Variants in PTPRG observed in about 807,000 individuals in gnomAD.
PTPRG encodes receptor-type tyrosine-protein phosphatase gamma.
A neutral mutation model predicts 165.3 loss-of-function variants in PTPRG; 102 were observed. The ratio of observed to expected loss-of-function variants is 0.62; its 90% confidence interval spans 0.53 to 0.73. PTPRG has a LOEUF of 0.73. PTPRG is among the 30% of genes least tolerant of loss of function. PTPRG has a pLI of 0.00. For synonymous variants in PTPRG, 675 were observed against 669.5 expected (o/e 1.01, Z -0.13); for missense variants, 1,866 against 1,861.4 (o/e 1.00, Z -0.05).
chr3:62,162,720 A>G (rs181100803), intron 7 of PTPRG, among the ~76,000 whole-genome samples: 1 of 152,238 alleles, frequency 6.6e-6, no homozygotes, highest in African/African-American at 2.4e-5. Context: ...TTGTTTCAGG[A>G]CTTATACTAT....
intron 2 of PTPRG, among the ~76,000 whole-genome samples, chr3:61,762,966 T>A (rs1460143668): frequency 2.0e-5 from 3 of 152,100 alleles, no homozygotes; most frequent in African/African-American, 7.2e-5. Flanking sequence ...AAATACTGAG[T>A]ACAAAGTTCA....
chr3:61,647,523 G>A (rs71296734), intron 1 of PTPRG, among the ~76,000 whole-genome samples: 12,913 of 152,206 alleles, frequency 0.085, 715 homozygotes, highest in East Asian at 0.21. Context: ...GGGCACAGTG[G>A]CTCACGCCTG....
At chr3:61,982,818 T>C (rs746948438) in intron 2 of PTPRG, among the ~76,000 whole-genome samples, 1 of 152,152 alleles carries the variant, frequency 6.6e-6, no homozygotes, top group African/African-American at 2.4e-5. Flanking sequence ...AGTCCTAAAA[T>C]AGACACCCTG....
At chr3:61,577,517 G>A (rs945925632) in intron 1 of PTPRG, among the ~76,000 whole-genome samples, 1 of 152,152 alleles carries the variant, frequency 6.6e-6, no homozygotes, top group Non-Finnish European at 1.5e-5. Flanking sequence ...AAAAGAATGT[G>A]AAATATCTCA....
At chr3:61,913,885 G>T (rs1460799330) in intron 2 of PTPRG, among the ~76,000 whole-genome samples, 1 of 152,182 alleles carries the variant, frequency 6.6e-6, no homozygotes, top group African/African-American at 2.4e-5. Flanking sequence ...GTGAATGTCT[G>T]GGTTTCTAAA....
At chr3:61,571,758 T>C (rs1003821028) in intron 1 of PTPRG, among the ~76,000 whole-genome samples, 1 of 152,180 alleles carries the variant, frequency 6.6e-6, no homozygotes, top group African/African-American at 2.4e-5. Context: ...TACTGTCCCA[T>C]GTATATCATC....
intron 1 of PTPRG, among the ~76,000 whole-genome samples, chr3:61,609,800 G>A (rs559065147): frequency 1.3e-5 from 2 of 151,824 alleles, no homozygotes; most frequent in Admixed American, 6.6e-5. Context: ...CCCAGGTTGC[G>A]GTGACTGCAC....
At chr3:61,591,110 A>G (rs1700557407) in intron 1 of PTPRG, among the ~76,000 whole-genome samples, 1 of 152,250 alleles carries the variant, frequency 6.6e-6, no homozygotes, top group Non-Finnish European at 1.5e-5. Context: ...TGCAAATGTA[A>G]TTAGGCATTC....
At chr3:61,912,808 G>A (rs993506469) in intron 2 of PTPRG, among the ~76,000 whole-genome samples, 4 of 152,102 alleles carry the variant, frequency 2.6e-5, no homozygotes, top group South Asian at 4.1e-4. Flanking sequence ...TTTGATGTGG[G>A]TATTTTAGTT....
chr3:61,746,909 T>C (rs1220160072), intron 1 of PTPRG, among the ~76,000 whole-genome samples: 1 of 152,098 alleles, frequency 6.6e-6, no homozygotes, highest in East Asian at 1.9e-4. Context: ...TCCCAACACT[T>C]TGGGAGGACC....
intron 2 of PTPRG, among the ~76,000 whole-genome samples, chr3:61,767,399 C>T (rs2034060160): frequency 6.6e-6 from 1 of 151,958 alleles, no homozygotes; most frequent in African/African-American, 2.4e-5. Context: ...TTCTAATTTT[C>T]CCCATGTAGA....
chr3:62,144,741 C>A (rs190818034), intron 6 of PTPRG, among the ~76,000 whole-genome samples: 1,843 of 152,280 alleles, frequency 0.012, 17 homozygotes, highest in South Asian at 0.041. Context: ...ATCAGAACCA[C>A]CACCATAGAT....
At chr3:61,797,581 A>AGGGGCC (rs2035088114) in intron 2 of PTPRG, among the ~76,000 whole-genome samples, 1 of 127,376 alleles carries the variant, frequency 7.9e-6, no homozygotes, top group Non-Finnish European at 1.7e-5. Context: ...TTATCTCCAC[A>AGGGGCC]CCCCCCCCCA....
Position 62,252,079 on chromosome 3 carries a change from T to G in PTPRG, c.2468-3045T>G, listed in dbSNP as rs1385708605. Reference sequence around the variant, plus strand: ...GTTGTCAGTGAAAACATCTTCACTTTGATTCCAGCCCCTTTTTTCCTTTAT... The same window carrying G: ...GTTGTCAGTGAAAACATCTTCACTTGGATTCCAGCCCCTTTTTTCCTTTAT... On this transcript the variant is annotated intron_variant, in intron 15 of 29. Transcript: ENST00000474889. The surrounding 1 kb of genome is among the most constrained non-coding windows in gnomAD (Gnocchi z 4.6). 3.9e-5 allele frequency among the ~76,000 whole-genome samples: 6 copies of G among 152,208 alleles called. No homozygotes were observed. The highest frequency in any genetic ancestry group is 1.4e-4 in the African/African-American group (6 of 41,460).
chr3:62,216,481 T>C (rs1411085051), intron 12 of PTPRG, among the ~76,000 whole-genome samples: 1 of 152,102 alleles, frequency 6.6e-6, no homozygotes, highest in Non-Finnish European at 1.5e-5. Flanking sequence ...ATGTGGCCTA[T>C]AGCGTCAACC....
chr3:62,156,974 T>C, intron 6 of PTPRG, 93 bp from the exon 7 acceptor site: 1 of 1,139,500 alleles, frequency 8.8e-7, no homozygotes, highest in Non-Finnish European at 1.3e-6. Context: ...GCTTGCGATG[T>C]GGCACCAGCA....
At chr3:61,910,100 G>T (rs560992736) in intron 2 of PTPRG, among the ~76,000 whole-genome samples, 2 of 152,050 alleles carry the variant, frequency 1.3e-5, no homozygotes, top group Non-Finnish European at 2.9e-5. Flanking sequence ...ATCTCATTAT[G>T]CTGTTATGCA....
At chr3:61,775,736 A>G (rs920695935) in intron 2 of PTPRG, among the ~76,000 whole-genome samples, 11 of 152,178 alleles carry the variant, frequency 7.2e-5, no homozygotes, top group African/African-American at 2.7e-4. Flanking sequence ...ACCATGGAAT[A>G]CGATGCAGCC....
chr3:61,999,867 A>G (rs2041129102), intron 3 of PTPRG, among the ~76,000 whole-genome samples: 1 of 152,240 alleles, frequency 6.6e-6, no homozygotes, highest in Non-Finnish European at 1.5e-5. Flanking sequence ...TCAGGGAACT[A>G]TGTGGGTTAT....
Sources: allele counts gnomAD v4.1 joint callset (sites outside exome capture counted in the v4.1 genomes callset), GRCh38; gene constraint gnomAD v4.1.1; non-coding constraint Gnocchi (gnomAD v3.1); transcripts MANE v1.5; gene names NCBI Gene and HGNC (gene_info 2026-07-23, HGNC 2026-07-21).